Variants in ZAN observed in about 807,000 individuals in gnomAD.
ZAN encodes zonadhesin.
A neutral mutation model predicts 286.2 loss-of-function variants in ZAN; 260 were observed. That is an observed-to-expected ratio of 0.91 (90% CI 0.82 to 1.01). ZAN has a LOEUF of 1.01. Among genes scored for constraint, ZAN ranks in the 50% least tolerant of loss-of-function variants. The pLI is 0.00. For missense variants in ZAN, 3,410 were observed against 3,639.2 expected (o/e 0.94, Z 1.62); for synonymous variants, 1,368 against 1,417.5 (o/e 0.97, Z 0.79).
intron 9 of ZAN, 101 bp from the exon 10 acceptor site, chr7:100,748,035 AG>A: frequency 1.1e-6 from 1 of 906,740 alleles, no homozygotes; most frequent in Non-Finnish European, 1.8e-6. Context: ...GTCTGGGCAC[AG>A]GGAGTAGGGA....
chr7:100,753,109 C>T lies in ZAN; in HGVS notation c.3004C>T (p.Pro1002Ser). 1 of 1,613,936 alleles carries T rather than the reference C, an allele frequency of 6.2e-7. No homozygotes were observed. The highest frequency in any genetic ancestry group is 8.5e-7 in the Non-Finnish European group (1 of 1,179,842). The change falls in exon 14 of 48, where the codon CCA (proline) becomes TCA (serine). Residue 1002 changes from proline to serine, a missense_variant. Transcript: ENST00000613979. ...IPTEKLTALR[P>S]PHPSPTATGL... Reference sequence around the variant, plus strand: ...CACAGAGAAGCTCACAGCCCTGAGGCCACCCCATCCCAGCCCCACAGCCAC... The same window carrying T: ...CACAGAGAAGCTCACAGCCCTGAGGTCACCCCATCCCAGCCCCACAGCCAC...
chr7:100,760,764 T>A (rs1027038422), intron 19 of ZAN, among the ~76,000 whole-genome samples: 15 of 152,166 alleles, frequency 9.9e-5, no homozygotes, highest in Admixed American at 9.2e-4. Context: ...GCAGGATGGA[T>A]GTACATGCTT....
At position 100,742,949 on chromosome 7, in the gene ZAN, A is replaced by AGG. The variant is rs200852602; in HGVS notation, c.767-3588_767-3587dup. Reference sequence around the variant, plus strand: ...TTTTTTTTGTGTTGAGAATCCACTGAGGAGAACAGGCAAGGGTCGATGCAG... The same window carrying AGG: ...TTTTTTTTGTGTTGAGAATCCACTGAGGGGAGAACAGGCAAGGGTCGATGCAG... On this transcript the variant is annotated intron_variant, in intron 7 of 47. Coordinates refer to ENST00000613979, the MANE Select transcript of ZAN (RefSeq NM_003386.3). Among the ~76,000 whole-genome samples the AGG allele has an allele frequency of 2.1e-3, 239 of 115,158 alleles. 17 individuals carry two copies. In the East Asian group the frequency reaches 0.057, roughly 28 times the overall value. The allele number at this position is 115,158 out of a possible 152,430, so 75.5% of individuals were successfully genotyped here.
In ZAN at chr7:100,766,566, C is replaced by T. The variant is rs200807096; in HGVS notation, c.4512C>T (p.Cys1504=). The T allele has an allele frequency of 1.3e-5, 20 of 1,552,020 alleles. No homozygotes were observed. Among genetic ancestry groups the T allele is most frequent in the East Asian group, 2.4e-5 (1 of 40,930 alleles). ...ACAAGCCAGGCTGCAAAGAGTTGTG[C>T]GTCTGTGAAAGCAACAACAGAATTC... ...RWYKPGCKEL[C]VCESNNRIRC... Residue 1504 remains cysteine (C), a synonymous_variant, in exon 24 of 48, where the codon TGC becomes TGT. Transcript: ENST00000613979.
chr7:100,746,488 A>G, intron 7 of ZAN, 50 bp from the exon 8 acceptor site: 1 of 1,602,080 alleles, frequency 6.2e-7, no homozygotes, highest in Non-Finnish European at 8.5e-7. Flanking sequence ...CTCTGCTGCC[A>G]TCTTCCCTCA....
intron 15 of ZAN, 56 bp from the exon 16 acceptor site, chr7:100,758,146 G>T: frequency 7.3e-7 from 1 of 1,365,588 alleles, no homozygotes; most frequent in South Asian, 2.0e-5. Context: ...GAAAGGCAAA[G>T]GGAGAAGTAC....
At chr7:100,774,900 C>G (rs1810642560) in intron 31 of ZAN, among the ~76,000 whole-genome samples, 1 of 144,354 alleles carries the variant, frequency 6.9e-6, no homozygotes, top group Admixed American at 7.4e-5. Flanking sequence ...ACCACGCCTC[C>G]TAGCCCTGGC....
chr7:100,779,370 T>C lies in ZAN; in HGVS notation c.6318-76T>C, dbSNP rs1811033592. On this transcript the variant is annotated intron_variant, in intron 34 of 47. Transcript: ENST00000613979. ...TCCAGCCTGGGTGACAGAGCAAGAC[T>C]CCCCCTAAAGAAAAAAAAATTTTGT... is the stretch of plus-strand genomic sequence containing the variant. 33 of 1,421,810 alleles carry C rather than the reference T, an allele frequency of 2.3e-5. No homozygotes were observed. In the South Asian group the frequency reaches 4.5e-4, roughly 19 times the overall value. The allele number at this position is 1,421,810 out of a possible 1,614,324, so 88.1% of individuals were successfully genotyped here.
chr7:100,748,542 GA>G, intron 11 of ZAN, 72 bp downstream of exon 11: 1 of 1,533,086 alleles, frequency 6.5e-7, no homozygotes, highest in South Asian at 1.2e-5. Context: ...TGGCTGCTGT[GA>G]CTGATGGGAG....
chr7:100,785,222 CCTTTT>C (rs1811481686), intron 36 of ZAN, among the ~76,000 whole-genome samples: 1 of 118,486 alleles, frequency 8.4e-6, no homozygotes, highest in Non-Finnish European at 1.6e-5. Context: ...AAACACAGTG[CCTTTT>C]TTTTTTTTTT....
chr7:100,765,656 T>G, intron 23 of ZAN, 102 bp downstream of exon 23: 1 of 1,408,518 alleles, frequency 7.1e-7, no homozygotes, highest in Admixed American at 2.5e-5. Context: ...TTTCTTGTTT[T>G]GTTTTGTTTT....
rs1287867323 is a variant in ZAN at position 100,734,416 on chromosome 7, G to A, written c.53+195G>A. 6.4e-5 allele frequency among the ~76,000 whole-genome samples: 9 copies of A among 139,816 alleles called. 2 individuals carry two copies. The highest frequency in any genetic ancestry group is 2.1e-4 in the Admixed American group (3 of 13,986). 91.7% of individuals were successfully genotyped at this position (139,816 alleles called of 152,430 possible). On this transcript the variant is annotated intron_variant, in intron 2 of 47. Coordinates refer to ENST00000613979, the MANE Select transcript of ZAN (RefSeq NM_003386.3). ...GGGCAGATCACGAGGTCAGGAGATC[G>A]AGACCATCCTGGCCAACATGGTGAA... is the stretch of plus-strand genomic sequence containing the variant.
chr7:100,797,748 G>C lies in ZAN; in HGVS notation c.*16G>C. The C allele has an allele frequency of 6.2e-7, 1 of 1,613,852 alleles. No individual in the cohort carries two copies. The highest frequency in any genetic ancestry group is 8.5e-7 in the Non-Finnish European group (1 of 1,179,858). On this transcript the variant is annotated 3_prime_UTR_variant, in exon 48 of 48. Coordinates refer to ENST00000613979, the MANE Select transcript of ZAN (RefSeq NM_003386.3). ...TGCCTGTTAAGTTGCTCAGTTTTGA[G>C]CTGTCTTCAGACAAGAAGATTAAAT...
chr7:100,754,634 G>T (rs1472338677), intron 14 of ZAN, among the ~76,000 whole-genome samples: 1 of 151,692 alleles, frequency 6.6e-6, no homozygotes, highest in Admixed American at 6.6e-5. Flanking sequence ...CTCCTGAGTA[G>T]CTGGGGCCAC....
chr7:100,743,905 T>TG (rs1487802811), intron 7 of ZAN, among the ~76,000 whole-genome samples: 1 of 151,084 alleles, frequency 6.6e-6, no homozygotes, highest in Non-Finnish European at 1.5e-5. Flanking sequence ...AAAATAGAGA[T>TG]GGGGTCTTGC....
chr7:100,778,660 G>A (rs921129996), intron 34 of ZAN, among the ~76,000 whole-genome samples: 1 of 152,058 alleles, frequency 6.6e-6, no homozygotes, highest in African/African-American at 2.4e-5. Context: ...GCTCAGACCA[G>A]CTTCCCTGTG....
intron 13 of ZAN, 134 bp downstream of exon 13, chr7:100,751,400 C>T (rs1808652944): frequency 1.4e-5 from 9 of 639,834 alleles, no homozygotes; most frequent in Non-Finnish European, 1.8e-5. Flanking sequence ...TTTCCATCTT[C>T]AACACACCTC....
In ZAN at chr7:100,747,605, T is replaced by C; in HGVS notation, c.987T>C (p.Ala329=). The C allele has an allele frequency of 6.2e-7, 1 of 1,613,806 alleles. No individual in the cohort carries two copies. The highest frequency in any genetic ancestry group is 8.5e-7 in the Non-Finnish European group (1 of 1,179,848). ...FSGQPGPNWQ[A]VSVNYTAVGR... ...GACAACCTGGGCCCAACTGGCAGGC[T>C]GTTTCTGTCAATTACACAGCCGTGG... Residue 329 remains alanine (A), a synonymous_variant, in exon 9 of 48, where the codon GCT becomes GCC. Transcript: ENST00000613979.
intron 16 of ZAN, 79 bp from the exon 17 acceptor site, chr7:100,758,452 C>G (rs774728756): frequency 1.4e-4 from 221 of 1,560,068 alleles, no homozygotes; most frequent in Non-Finnish European, 1.9e-4. Flanking sequence ...TGCCACCGGG[C>G]AGCGGGTGGG....
Sources: gnomAD v4.1 joint callset for allele counts (sites outside exome capture counted in the v4.1 genomes callset) on GRCh38, gnomAD v4.1.1 for gene constraint, MANE v1.5 for transcripts, NCBI Gene and HGNC (gene_info 2026-07-23, HGNC 2026-07-21) for gene names.